Variants in SBNO1 observed in about 807,000 individuals in gnomAD.
The protein encoded by SBNO1 is protein strawberry notch homolog 1.
SBNO1 carries 23 observed loss-of-function variants against 173.6 expected under a neutral mutation model. That is an observed-to-expected ratio of 0.13 (90% CI 0.10 to 0.19). The LOEUF is 0.19. SBNO1 is among the 10% of genes least tolerant of loss of function. SBNO1 has a pLI of 1.00. For synonymous variants in SBNO1, 632 were observed against 571.5 expected (o/e 1.11, Z -1.51); for missense variants, 1,238 against 1,671.2 (o/e 0.74, Z 4.52).
rs528597813 is a variant in SBNO1 at position 123,317,040 on chromosome 12, G to A, written c.2935+181C>T. 6.6e-5 allele frequency among the ~76,000 whole-genome samples: 10 copies of A among 152,222 alleles called. 1 individual carries two copies. The highest frequency in any genetic ancestry group is 4.1e-4 in the South Asian group (2 of 4,826). On this transcript the variant is annotated intron_variant, in intron 21 of 31. Transcript: ENST00000602398. ...TTTGGTGGAGAAAGGGTCTCACTGC[G>A]TTGACCAGGCTGGTCTCAAACTCCC... is the stretch of plus-strand genomic sequence containing the variant.
intron 1 of SBNO1, among the ~76,000 whole-genome samples, chr12:123,355,629 A>G (rs1285080697): frequency 6.6e-6 from 1 of 151,896 alleles, no homozygotes; most frequent in Non-Finnish European, 1.5e-5. Flanking sequence ...ACAAACCTCA[A>G]AAAATTAGCT....
intron 7 of SBNO1, among the ~76,000 whole-genome samples, chr12:123,332,177 G>A (rs1361559736): frequency 1.3e-5 from 2 of 152,134 alleles, no homozygotes; most frequent in Non-Finnish European, 2.9e-5. Context: ...CATATTTACT[G>A]TATATTATCT....
chr12:123,299,700 C>A (rs116912162), intron 30 of SBNO1, among the ~76,000 whole-genome samples: 5,850 of 93,144 alleles, frequency 0.063, 223 homozygotes, highest in East Asian at 0.31. Flanking sequence ...AAAAAAAAAA[C>A]AAAAAAGCCA....
intron 21 of SBNO1, among the ~76,000 whole-genome samples, chr12:123,315,974 T>C (rs1341495662): frequency 2.0e-5 from 3 of 152,162 alleles, no homozygotes; most frequent in Non-Finnish European, 4.4e-5. Flanking sequence ...TTGGTGAAGC[T>C]ACTGAGGTTG....
chr12:123,311,258 A>G (rs1173949153), intron 24 of SBNO1, 129 bp from the exon 25 acceptor site: 2 of 661,004 alleles, frequency 3.0e-6, no homozygotes, highest in Non-Finnish European at 5.3e-6. Context: ...TTATATAAAC[A>G]TGGAGAAAAT....
At chr12:123,357,405 C>T (rs568909805) in intron 1 of SBNO1, among the ~76,000 whole-genome samples, 44 of 151,566 alleles carry the variant, frequency 2.9e-4, no homozygotes, top group African/African-American at 1.0e-3. Flanking sequence ...GCCGAGACTG[C>T]ACCACTGCAC....
chr12:123,357,764 AAAC>A (rs1208282359), intron 1 of SBNO1, among the ~76,000 whole-genome samples: 8 of 152,292 alleles, frequency 5.3e-5, no homozygotes, highest in Admixed American at 2.0e-4. Flanking sequence ...GAAACAAACA[AAAC>A]AACAACAACA....
chr12:123,296,365 T>C lies in SBNO1; in HGVS notation c.4040-315A>G, dbSNP rs536075812. On this transcript the variant is annotated intron_variant, in intron 31 of 31. Coordinates refer to ENST00000602398, the MANE Select transcript of SBNO1 (RefSeq NM_001167856.3). ...ATATCTATTATTCTATGTATTATCT[T>C]TTAATGCACCAAAAGACTACAGAAC... Among the ~76,000 whole-genome samples the C allele has an allele frequency of 9.9e-5, 15 of 152,134 alleles. No homozygotes were observed. The South Asian group carries it at 2.7e-3, about 27-fold the overall frequency.
intron 2 of SBNO1, among the ~76,000 whole-genome samples, 190 bp downstream of exon 2, chr12:123,350,120 G>A (rs1051369037): frequency 6.6e-6 from 1 of 152,022 alleles, no homozygotes; most frequent in Non-Finnish European, 1.5e-5. Context: ...GGGATGTGGT[G>A]GCACGTGCCT....
chr12:123,297,947 C>A, intron 31 of SBNO1, 31 bp downstream of exon 31: 1 of 1,599,946 alleles, frequency 6.3e-7, no homozygotes, highest in South Asian at 1.1e-5. Flanking sequence ...TTTTTTCCTG[C>A]AACTCAAACC....
chr12:123,340,721 CT>C (rs1872456207), intron 5 of SBNO1, among the ~76,000 whole-genome samples: 1 of 151,586 alleles, frequency 6.6e-6, no homozygotes, highest in Admixed American at 6.6e-5. Flanking sequence ...CCCACATTGT[CT>C]TTTTTTCTGC....
chr12:123,312,392 T>A (rs1000756650), intron 24 of SBNO1, among the ~76,000 whole-genome samples: 5 of 152,152 alleles, frequency 3.3e-5, no homozygotes, highest in Non-Finnish European at 7.4e-5. Flanking sequence ...TATGTGCTAA[T>A]CTACCAAAAG....
intron 7 of SBNO1, among the ~76,000 whole-genome samples, chr12:123,332,175 C>G (rs1415291355): frequency 6.6e-6 from 1 of 152,136 alleles, no homozygotes; most frequent in Non-Finnish European, 1.5e-5. Context: ...TACATATTTA[C>G]TGTATATTAT....
At chr12:123,301,367 C>G (rs2048785143) in intron 30 of SBNO1, among the ~76,000 whole-genome samples, 1 of 152,108 alleles carries the variant, frequency 6.6e-6, no homozygotes, top group East Asian at 1.9e-4. Flanking sequence ...CTAATTTACT[C>G]TCATAATGAA....
chr12:123,307,330 A>G (rs192029903), intron 28 of SBNO1, among the ~76,000 whole-genome samples: 1 of 152,290 alleles, frequency 6.6e-6, no homozygotes. Context: ...CTGAAGTAAG[A>G]TTAAGAAGGA....
intron 15 of SBNO1, among the ~76,000 whole-genome samples, chr12:123,324,974 TA>T (rs1870445990): frequency 6.6e-6 from 1 of 151,498 alleles, no homozygotes; most frequent in Admixed American, 6.6e-5. Context: ...CATGCCCAAC[TA>T]ATTTTTTTTA....
chr12:123,327,231 G>C (rs927475041), intron 13 of SBNO1, among the ~76,000 whole-genome samples, 195 bp downstream of exon 13: 11 of 151,990 alleles, frequency 7.2e-5, no homozygotes, highest in Non-Finnish European at 1.3e-4. Flanking sequence ...GGCTGGTCTT[G>C]AACTCTTGAC....
chr12:123,310,151 A>G (rs938959006), intron 25 of SBNO1, among the ~76,000 whole-genome samples: 2 of 152,222 alleles, frequency 1.3e-5, no homozygotes, highest in African/African-American at 4.8e-5. Flanking sequence ...TGAATTCTCA[A>G]CTGTAGTGGC....
chr12:123,343,595 G>A (rs7980154), intron 4 of SBNO1, among the ~76,000 whole-genome samples: 1 of 147,266 alleles, frequency 6.8e-6, no homozygotes, highest in East Asian at 2.0e-4. Context: ...CTGGAGTGCA[G>A]TGGCGCCATC....
Sources: allele counts gnomAD v4.1 joint callset (sites outside exome capture counted in the v4.1 genomes callset), GRCh38; gene constraint gnomAD v4.1.1; transcripts MANE v1.5; gene names NCBI Gene and HGNC (gene_info 2026-07-23, HGNC 2026-07-21).